Variants in DOCK9 observed in about 807,000 individuals in gnomAD.
The protein encoded by DOCK9 is dedicator of cytokinesis protein 9.
DOCK9 carries 89 observed loss-of-function variants against 263.3 expected under a neutral mutation model. That is an observed-to-expected ratio of 0.34 (90% CI 0.28 to 0.40). The LOEUF is 0.40. DOCK9 is among the 10% of genes least tolerant of loss of function. The pLI is 1.00. For synonymous variants in DOCK9, 976 were observed against 973.1 expected (o/e 1.00, Z -0.06); for missense variants, 2,140 against 2,603.4 (o/e 0.82, Z 3.87).
intron 41 of DOCK9, among the ~76,000 whole-genome samples, chr13:98,830,841 G>A (rs1267397470): frequency 6.6e-6 from 1 of 152,166 alleles, no homozygotes; most frequent in East Asian, 1.9e-4. Flanking sequence ...TTAAAAAAAG[G>A]GTTAAATACA....
chr13:98,976,093 G>A (rs903734923), intron 1 of DOCK9, among the ~76,000 whole-genome samples: 1 of 152,208 alleles, frequency 6.6e-6, no homozygotes, highest in Admixed American at 6.5e-5. Flanking sequence ...TACCCTGCTG[G>A]AAGAAGAGAA....
chr13:98,913,883 T>G (rs1165090472), intron 9 of DOCK9, among the ~76,000 whole-genome samples: 1 of 152,042 alleles, frequency 6.6e-6, no homozygotes, highest in Non-Finnish European at 1.5e-5. Flanking sequence ...CCAGTAAGAG[T>G]GACCCGAAAC....
At chr13:98,886,734 C>A in intron 18 of DOCK9, 110 bp from the exon 19 acceptor site, 1 of 987,388 alleles carries the variant, frequency 1.0e-6, no homozygotes, top group Non-Finnish European at 1.5e-6. Flanking sequence ...TTAGCATCGC[C>A]ACCTCTGATG....
chr13:99,071,306 CTTTTTTTTTTTTTT>C (rs71114578), intron 1 of DOCK9, among the ~76,000 whole-genome samples: 8 of 49,320 alleles, frequency 1.6e-4, no homozygotes, highest in African/African-American at 7.6e-4. Context: ...CCATGCCTGG[CTTTTTTTTTTTTTT>C]TTTTTTTTTT....
chr13:99,012,820 C>A (rs983966691), intron 1 of DOCK9, among the ~76,000 whole-genome samples: 5 of 152,076 alleles, frequency 3.3e-5, no homozygotes, highest in African/African-American at 1.2e-4. Flanking sequence ...TAGAAGCACA[C>A]CTCTAGGGAG....
intron 5 of DOCK9, 148 bp from the exon 6 acceptor site, chr13:98,922,294 A>AT (rs2052169011): frequency 4.9e-5 from 27 of 556,258 alleles, no homozygotes; most frequent in Admixed American, 8.6e-5. Flanking sequence ...AATGCCTACA[A>AT]GTCACATAAA....
Position 98,831,640 on chromosome 13 carries a change from G to C in DOCK9, c.4452+9C>G. 6.2e-7 allele frequency: 1 copy of C among 1,611,656 alleles called. No individual in the cohort carries two copies. The highest frequency in any genetic ancestry group is 8.5e-7 in the Non-Finnish European group (1 of 1,178,912). ...AAAACATCTAACCACTGCCCATGAA[G>C]CAACTTACCTTATAAATTAAGGACC... On this transcript the variant is annotated intron_variant, in intron 40 of 52. Coordinates refer to ENST00000682017, the MANE Select transcript of DOCK9 (RefSeq NM_001366683.2).
At chr13:98,835,289 T>C (rs2092948468) in intron 39 of DOCK9, among the ~76,000 whole-genome samples, 1 of 152,226 alleles carries the variant, frequency 6.6e-6, no homozygotes, top group South Asian at 2.1e-4. Context: ...TTATATCTCT[T>C]CTGATATGGT....
chr13:98,860,160 G>A, intron 33 of DOCK9: 3 of 1,322,378 alleles, frequency 2.3e-6, no homozygotes, highest in South Asian at 2.5e-5. Flanking sequence ...TGAACAAAAA[G>A]CAAACAGCGT....
At chr13:99,052,556 T>C (rs1045635482) in intron 1 of DOCK9, among the ~76,000 whole-genome samples, 2 of 152,262 alleles carry the variant, frequency 1.3e-5, no homozygotes, top group African/African-American at 4.8e-5. Context: ...TGGCCACTTG[T>C]ATGTCTTCTT....
intron 38 of DOCK9, among the ~76,000 whole-genome samples, chr13:98,839,094 G>T (rs2093115929): frequency 6.6e-6 from 1 of 152,192 alleles, no homozygotes; most frequent in Non-Finnish European, 1.5e-5. Flanking sequence ...TGATAGAAAT[G>T]CTGTTGTGTG....
intron 1 of DOCK9, among the ~76,000 whole-genome samples, chr13:99,002,406 G>A (rs1488631514): frequency 6.6e-6 from 1 of 152,100 alleles, no homozygotes; most frequent in Non-Finnish European, 1.5e-5. Context: ...GCTTCCTTGA[G>A]CATCACAGAA....
intron 1 of DOCK9, among the ~76,000 whole-genome samples, chr13:98,961,987 A>C (rs2058689248): frequency 6.6e-6 from 1 of 152,240 alleles, no homozygotes; most frequent in Non-Finnish European, 1.5e-5. Context: ...GCTCATGTAC[A>C]AAAGAAACCT....
chr13:98,831,153 G>A, intron 41 of DOCK9, among the ~76,000 whole-genome samples, 195 bp downstream of exon 41: 1 of 152,168 alleles, frequency 6.6e-6, no homozygotes, highest in East Asian at 1.9e-4. Context: ...TTTACCAACA[G>A]AAACGCATCT....
At position 98,881,877 on chromosome 13, in the gene DOCK9, A is replaced by G. The variant is rs562041394; in HGVS notation, c.2675+15T>C. The G allele has an allele frequency of 1.9e-6, 3 of 1,546,714 alleles. No homozygotes were observed. In the East Asian group the frequency reaches 7.2e-5, roughly 37 times the overall value. On this transcript the variant is annotated intron_variant, in intron 24 of 52. Coordinates refer to ENST00000682017, the MANE Select transcript of DOCK9 (RefSeq NM_001366683.2). Reference sequence around the variant, plus strand: ...AGACTAGAAGTGAGGAAGAGCATCCATCCACCTCCCTTACCGAGTCACGTT... The same window carrying G: ...AGACTAGAAGTGAGGAAGAGCATCCGTCCACCTCCCTTACCGAGTCACGTT...
At chr13:99,058,424 A>G (rs1178746072) in intron 1 of DOCK9, among the ~76,000 whole-genome samples, 1 of 152,128 alleles carries the variant, frequency 6.6e-6, no homozygotes, top group Non-Finnish European at 1.5e-5. Flanking sequence ...GGCCTCCCCA[A>G]GTGCTGGGAT....
intron 35 of DOCK9, among the ~76,000 whole-genome samples, chr13:98,853,147 A>T (rs1323849130): frequency 6.6e-6 from 1 of 152,234 alleles, no homozygotes; most frequent in African/African-American, 2.4e-5. Context: ...ATATAAATTT[A>T]AGAAATAGGC....
intron 45 of DOCK9, among the ~76,000 whole-genome samples, chr13:98,816,592 G>A (rs2091876371): frequency 1.3e-5 from 2 of 152,092 alleles, no homozygotes; most frequent in Non-Finnish European, 2.9e-5. Flanking sequence ...TGGCGGGAGT[G>A]CACGAATAAC....
At chr13:98,806,503 G>A (rs2090725396) in intron 48 of DOCK9, among the ~76,000 whole-genome samples, 1 of 152,212 alleles carries the variant, frequency 6.6e-6, no homozygotes, top group African/African-American at 2.4e-5. Context: ...CTGGTATAAG[G>A]CAGGCAAATG....
Sources: gnomAD v4.1 joint callset for allele counts (sites outside exome capture counted in the v4.1 genomes callset) on GRCh38, gnomAD v4.1.1 for gene constraint, MANE v1.5 for transcripts, NCBI Gene and HGNC (gene_info 2026-07-23, HGNC 2026-07-21) for gene names.